Variants in CCDC39 observed in about 807,000 individuals in gnomAD.
CCDC39 encodes the protein coiled-coil domain-containing protein 39.
Under a neutral mutation model 121.0 loss-of-function variants are expected in CCDC39, and 113 were observed. The observed-to-expected ratio is 0.93, with a 90% CI of 0.80 to 1.09. The LOEUF (loss-of-function observed/expected upper bound fraction) is 1.09, where lower values mean the gene tolerates loss of function less well. Among genes scored for constraint, CCDC39 ranks in the 50% least tolerant of loss-of-function variants. The pLI, the probability that CCDC39 is intolerant of heterozygous loss-of-function variation, is 0.00. For missense variants in CCDC39, 1,063 were observed against 1,074.7 expected (o/e 0.99, Z 0.15); for synonymous variants, 349 against 352.2 (o/e 0.99, Z 0.10).
Position 180,661,930 on chromosome 3 carries a change from T to A in CCDC39, c.288A>T (p.Arg96=). ...CCAGCCGTTGAATTTCATCTTTCAC[T>A]CGTCCCAATTCTCTTTGAGCAATGG... ...FKAIAQRELG[R]VKDEIQRLEN... Residue 96 remains arginine, a synonymous_variant, in exon 3 of 20, where the codon CGA becomes CGT. Coordinates refer to ENST00000476379, the MANE Select transcript of CCDC39 (RefSeq NM_181426.2). 1.3e-6 allele frequency: 2 copies of A among 1,578,472 alleles called. No homozygotes were observed. The highest frequency in any genetic ancestry group is 1.7e-6 in the Non-Finnish European group (2 of 1,160,088).
At chr3:180,631,370 G>A (rs1037504270) in intron 14 of CCDC39, 99 bp downstream of exon 14, 1 of 1,116,358 alleles carries the variant, frequency 9.0e-7, no homozygotes, top group East Asian at 2.4e-5. Flanking sequence ...AGGGAAAGTT[G>A]CAATATTGTT....
In CCDC39 at chr3:180,623,636, GT is replaced by G. The variant is rs201795727; in HGVS notation, c.1999-3667del. Among the ~76,000 whole-genome samples, 1,331 of 151,914 alleles carry G rather than the reference GT, an allele frequency of 8.8e-3. 27 individuals are homozygous for G. The highest frequency in any genetic ancestry group is 0.031 in the African/African-American group (1,267 of 41,456). ...GCATTCCTTTTGCTCTATCCCACAG[GT>G]TTTGGTATGTTGTGTATCCATTTTC... On this transcript the variant is annotated intron_variant, in intron 14 of 19. Transcript: ENST00000476379.
chr3:180,620,978 G>A (rs1008578935), intron 14 of CCDC39, among the ~76,000 whole-genome samples: 12 of 152,046 alleles, frequency 7.9e-5, no homozygotes, highest in East Asian at 1.9e-4. Context: ...CCATGTGTAC[G>A]CGTTATTTAG....
chr3:180,621,492 T>A (rs139078319), intron 14 of CCDC39, among the ~76,000 whole-genome samples: 1 of 152,148 alleles, frequency 6.6e-6, no homozygotes, highest in Non-Finnish European at 1.5e-5. Flanking sequence ...TAATGATTAA[T>A]GATGATGAGC....
Position 180,659,773 on chromosome 3 carries a change from T to C in CCDC39, c.517-4A>G. 6.3e-7 allele frequency: 1 copy of C among 1,585,636 alleles called. No homozygotes were observed. The highest frequency in any genetic ancestry group is 8.6e-7 in the Non-Finnish European group (1 of 1,157,264). On this transcript the variant is annotated splice_polypyrimidine_tract_variant and splice_region_variant and intron_variant, in intron 4 of 19. Transcript: ENST00000476379. ...TTTCTAATTGCAGAGTCAGTGCCTA[T>C]GATGTAATTATATACAGATACTTAT...
chr3:180,642,309 T>G, intron 12 of CCDC39, 108 bp from the exon 13 acceptor site: 1 of 574,732 alleles, frequency 1.7e-6, no homozygotes, highest in Non-Finnish European at 2.9e-6. Flanking sequence ...TTTTTCCAAT[T>G]TAACCATTGA....
intron 6 of CCDC39, among the ~76,000 whole-genome samples, chr3:180,655,493 G>A (rs1711558367): frequency 6.6e-6 from 1 of 151,626 alleles, no homozygotes; most frequent in Admixed American, 6.6e-5. Flanking sequence ...CTTTCCAAGA[G>A]GAGTCATTAG....
At chr3:180,653,586 C>G (rs1368571340) in intron 7 of CCDC39, among the ~76,000 whole-genome samples, 1 of 152,132 alleles carries the variant, frequency 6.6e-6, no homozygotes, top group African/African-American at 2.4e-5. Flanking sequence ...AACAGAAAAA[C>G]AATTCTAAAA....
At chr3:180,629,581 C>T (rs953182997) in intron 14 of CCDC39, among the ~76,000 whole-genome samples, 3 of 152,166 alleles carry the variant, frequency 2.0e-5, no homozygotes, top group Non-Finnish European at 4.4e-5. Flanking sequence ...CTCTATTTTT[C>T]AGGCCATAAT....
chr3:180,628,909 A>G (rs1474658094), intron 14 of CCDC39, among the ~76,000 whole-genome samples: 1 of 152,198 alleles, frequency 6.6e-6, no homozygotes, highest in African/African-American at 2.4e-5. Context: ...TGTAGATAAC[A>G]TAAGAAGAAT....
intron 13 of CCDC39, among the ~76,000 whole-genome samples, chr3:180,632,162 C>T (rs996064044): frequency 2.0e-5 from 3 of 152,018 alleles, no homozygotes; most frequent in African/African-American, 7.2e-5. Context: ...GGAGATACTA[C>T]CTCTAGTTTC....
At chr3:180,621,555 A>T (rs1015572726) in intron 14 of CCDC39, among the ~76,000 whole-genome samples, 2 of 151,848 alleles carry the variant, frequency 1.3e-5, no homozygotes, top group African/African-American at 4.8e-5. Flanking sequence ...AAAAATGCCT[A>T]CTCATGTCCT....
Position 180,647,174 on chromosome 3 carries a change from G to C in CCDC39, c.1432C>G (p.Gln478Glu). ...LKGEINSEEKQALEAKIVELR... is the reference protein window; with the variant it reads ...LKGEINSEEKEALEAKIVELR... ...TCAACAATTTTTGCTTCAAGCGCTT[G>C]TTTTTCTTCTGAATTAATTTCTCCC... Residue 478 changes from glutamine to glutamate, a missense_variant, in exon 11 of 20, where the codon CAA becomes GAA. Coordinates refer to ENST00000476379, the MANE Select transcript of CCDC39 (RefSeq NM_181426.2). The C allele has an allele frequency of 1.2e-6, 2 of 1,608,338 alleles. No individual in the cohort carries two copies. Among genetic ancestry groups the C allele is most frequent in the Non-Finnish European group, 1.7e-6 (2 of 1,177,868 alleles).
chr3:180,674,047 G>A (rs1712122918), intron 1 of CCDC39, among the ~76,000 whole-genome samples: 1 of 152,078 alleles, frequency 6.6e-6, no homozygotes, highest in Non-Finnish European at 1.5e-5. Context: ...GGATGGCATT[G>A]AATCTGTAAA....
chr3:180,644,072 A>G, intron 12 of CCDC39, 48 bp downstream of exon 12: 3 of 1,396,548 alleles, frequency 2.1e-6, no homozygotes, highest in Non-Finnish European at 2.9e-6. Context: ...TACAATTAAC[A>G]TGGAAACATG....
intron 16 of CCDC39, 87 bp from the exon 17 acceptor site, chr3:180,617,053 ATTCAT>A (rs1717274814): frequency 2.6e-6 from 2 of 761,536 alleles, no homozygotes; most frequent in Non-Finnish European, 2.0e-6. Flanking sequence ...TTTAATTTTA[ATTCAT>A]TTATTTTTGT....
At chr3:180,658,297 A>G (rs1711637647) in intron 6 of CCDC39, among the ~76,000 whole-genome samples, 1 of 150,162 alleles carries the variant, frequency 6.7e-6, no homozygotes, top group Admixed American at 6.7e-5. Flanking sequence ...AAAAAAAAAA[A>G]GAATTAAGAG....
chr3:180,661,304 T>C (rs985976984), intron 3 of CCDC39, among the ~76,000 whole-genome samples: 5 of 151,892 alleles, frequency 3.3e-5, no homozygotes, highest in Non-Finnish European at 2.9e-5. Flanking sequence ...CAAATACAAA[T>C]TAATAAGTAT....
intron 8 of CCDC39, 79 bp downstream of exon 8, chr3:180,652,084 A>T: frequency 1.2e-6 from 1 of 820,110 alleles, no homozygotes; most frequent in East Asian, 3.0e-5. Context: ...TTTAAACAAC[A>T]AATAGTCTTA....
Sources: allele counts gnomAD v4.1 joint callset (sites outside exome capture counted in the v4.1 genomes callset), GRCh38; gene constraint gnomAD v4.1.1; transcripts MANE v1.5; gene names NCBI Gene and HGNC (gene_info 2026-07-23, HGNC 2026-07-21).